Variants in ERC2 observed in about 807,000 individuals in gnomAD.
ERC2 encodes ERC protein 2.
In ERC2, 42 loss-of-function variants were observed where a neutral mutation model predicts 114.8. The observed-to-expected ratio is 0.37, with a 90% confidence interval of 0.29 to 0.47. The LOEUF (loss-of-function observed/expected upper bound fraction) is 0.47, where lower values mean the gene tolerates loss of function less well. Ranked by LOEUF, ERC2 falls within the 20% of genes least tolerant of loss-of-function variation. The pLI is 0.99. For synonymous variants in ERC2, 454 were observed against 425.5 expected, an observed-to-expected ratio of 1.07 and a Z score of -0.82; for missense variants, 939 against 1,150.7, an observed-to-expected ratio of 0.82 and a Z score of 2.66.
chr3:56,046,925 G>C (rs1277923297), intron 7 of ERC2, among the ~76,000 whole-genome samples: 2 of 152,172 alleles, frequency 1.3e-5, no homozygotes, highest in African/African-American at 2.4e-5. Context: ...AATTTACAAA[G>C]TAAAATAATG....
chr3:55,559,078 C>T (rs926480288), intron 17 of ERC2, among the ~76,000 whole-genome samples: 3 of 152,358 alleles, frequency 2.0e-5, no homozygotes, highest in Non-Finnish European at 4.4e-5. Context: ...GTGGCTCCAA[C>T]TGGGTATTGG....
chr3:55,571,502 A>G (rs1375026835), intron 17 of ERC2, among the ~76,000 whole-genome samples: 2 of 152,206 alleles, frequency 1.3e-5, no homozygotes, highest in African/African-American at 4.8e-5. Context: ...AGCACCAGAC[A>G]GTGAGGACAA....
intron 13 of ERC2, among the ~76,000 whole-genome samples, chr3:55,904,277 G>C (rs1320963507): frequency 6.6e-6 from 1 of 152,080 alleles, no homozygotes; most frequent in African/African-American, 2.4e-5. Flanking sequence ...AGTACCATAG[G>C]TAAAAATAGA....
chr3:55,942,132 A>C (rs2066833187), intron 13 of ERC2, among the ~76,000 whole-genome samples: 1 of 152,082 alleles, frequency 6.6e-6, no homozygotes, highest in Non-Finnish European at 1.5e-5. Context: ...AAGGATGCAG[A>C]AGGCTTGGGA....
At chr3:55,680,839 T>C (rs951187550) in intron 17 of ERC2, among the ~76,000 whole-genome samples, 22 of 152,154 alleles carry the variant, frequency 1.4e-4, no homozygotes, top group Admixed American at 3.3e-4. Context: ...ATAAAGAGAA[T>C]TGGGAAGCAG....
At chr3:56,260,250 CCCGTAAGT>C (rs1174840082) in intron 3 of ERC2, among the ~76,000 whole-genome samples, 1 of 152,122 alleles carries the variant, frequency 6.6e-6, no homozygotes, top group Non-Finnish European at 1.5e-5. Context: ...ACCACTCCTC[CCCGTAAGT>C]CCTGGGACTC....
In ERC2 at chr3:56,198,470, C is replaced by T. The variant is rs116254709; in HGVS notation, c.1075-24950G>A. 8.4e-3 allele frequency among the ~76,000 whole-genome samples: 1,280 copies of T among 152,218 alleles called. 10 individuals carry two copies. Among genetic ancestry groups the T allele is most frequent in the Middle Eastern group, 0.014 (4 of 294 alleles). On this transcript the variant is annotated intron_variant, in intron 3 of 17. Transcript: ENST00000288221. ...CCAGGGAGGAGGTCAGAGGAGACTG[C>T]GGCCTGAGCTATGGCAGATGATAGG...
At chr3:55,652,073 C>A (rs1475910588) in intron 17 of ERC2, among the ~76,000 whole-genome samples, 4 of 152,164 alleles carry the variant, frequency 2.6e-5, no homozygotes, top group Admixed American at 6.5e-5. Context: ...TCCTTTCCTG[C>A]GAACATTTCT....
At chr3:56,267,128 A>G (rs2053363070) in intron 3 of ERC2, among the ~76,000 whole-genome samples, 1 of 152,220 alleles carries the variant, frequency 6.6e-6, no homozygotes, top group Non-Finnish European at 1.5e-5. Flanking sequence ...CCCAAATACA[A>G]AAATCCAAAA....
chr3:56,393,154 T>C (rs2060188895), intron 2 of ERC2, among the ~76,000 whole-genome samples: 1 of 152,194 alleles, frequency 6.6e-6, no homozygotes, highest in Non-Finnish European at 1.5e-5. Context: ...TCCCAGCACT[T>C]TGGGAGGCCA....
chr3:55,775,059 C>T (rs1251325850), intron 14 of ERC2, among the ~76,000 whole-genome samples: 2 of 152,182 alleles, frequency 1.3e-5, no homozygotes, highest in African/African-American at 4.8e-5. Context: ...CTTTCCACAG[C>T]AGAAGCAGGA....
At position 56,376,917 on chromosome 3, in the gene ERC2, A is replaced by T. The variant is rs1215330197; in HGVS notation, c.657+57434T>A. On this transcript the variant is annotated intron_variant, in intron 2 of 17. Coordinates refer to ENST00000288221, the MANE Select transcript of ERC2 (RefSeq NM_015576.3). ...CATGGGAGGCTATTTCTAAAATATC[A>T]TTTGGGAGGCAACAGATGAACTGAC... is the stretch of plus-strand genomic sequence containing the variant. Among the ~76,000 whole-genome samples, 7 of 152,152 alleles carry T rather than the reference A, an allele frequency of 4.6e-5. No homozygotes were observed. The East Asian group carries it at 1.3e-3, about 29-fold the overall frequency.
At chr3:55,936,554 C>T (rs532762924) in intron 13 of ERC2, among the ~76,000 whole-genome samples, 1 of 152,174 alleles carries the variant, frequency 6.6e-6, no homozygotes, top group Non-Finnish European at 1.5e-5. Flanking sequence ...GAAAGCCTGT[C>T]TGAGAAAACG....
chr3:56,049,675 T>G (rs2075662522), intron 7 of ERC2, among the ~76,000 whole-genome samples: 1 of 152,198 alleles, frequency 6.6e-6, no homozygotes, highest in African/African-American at 2.4e-5. Flanking sequence ...CCATGCTGGA[T>G]GCTTCCTGCT....
At chr3:56,234,801 T>C (rs1255586660) in intron 3 of ERC2, among the ~76,000 whole-genome samples, 6 of 152,184 alleles carry the variant, frequency 3.9e-5, no homozygotes, top group Non-Finnish European at 8.8e-5. Context: ...CATCCTTTTA[T>C]AAGAAACTCC....
intron 13 of ERC2, among the ~76,000 whole-genome samples, chr3:55,936,859 G>T (rs1393787067): frequency 1.3e-5 from 2 of 152,144 alleles, no homozygotes; most frequent in African/African-American, 2.4e-5. Context: ...CATCATCACG[G>T]CATCAACCTG....
intron 12 of ERC2, among the ~76,000 whole-genome samples, chr3:55,984,607 A>T (rs2070443995): frequency 6.6e-6 from 1 of 152,074 alleles, no homozygotes; most frequent in Non-Finnish European, 1.5e-5. Flanking sequence ...GCCCATTATG[A>T]TGTCTGTGTT....
intron 2 of ERC2, among the ~76,000 whole-genome samples, chr3:56,380,248 G>A (rs545029003): frequency 3.6e-4 from 55 of 152,198 alleles, no homozygotes; most frequent in Non-Finnish European, 7.4e-4. Context: ...CTGAAGGTGT[G>A]GTTGGGCAGC....
chr3:55,589,529 A>G (rs1271891447), intron 17 of ERC2, among the ~76,000 whole-genome samples: 1 of 152,180 alleles, frequency 6.6e-6, no homozygotes, highest in Non-Finnish European at 1.5e-5. Context: ...TAAATACTCA[A>G]TAAATGGTAA....
Sources: allele counts gnomAD v4.1 joint callset (sites outside exome capture counted in the v4.1 genomes callset), GRCh38; gene constraint gnomAD v4.1.1; transcripts MANE v1.5; gene names NCBI Gene and HGNC (gene_info 2026-07-23, HGNC 2026-07-21).